Variants in FASTKD2 observed in about 807,000 individuals in gnomAD.
The protein encoded by FASTKD2 is FAST kinase domain-containing protein 2, mitochondrial.
Under a neutral mutation model 63.6 loss-of-function variants are expected in FASTKD2, and 51 were observed. The ratio of observed to expected loss-of-function variants is 0.80; its 90% CI spans 0.64 to 1.01. FASTKD2 has a LOEUF of 1.01. Among genes scored for constraint, FASTKD2 ranks in the 50% least tolerant of loss-of-function variants. The probability of loss-of-function intolerance (pLI) is 0.00; values close to 1 mark genes in which losing one functional copy is unlikely to be tolerated. For missense variants in FASTKD2, 786 were observed against 831.1 expected, an observed-to-expected ratio of 0.95 and a Z score of 0.67; for synonymous variants, 284 against 293.4, an observed-to-expected ratio of 0.97 and a Z score of 0.33.
In FASTKD2 at chr2:206,792,028, A is replaced by G; in HGVS notation, c.*226A>G. ...TTTTCCAACCACACCTATTCCCTCTAGTGCCCAGATATTTGATTTGTGAGC... is the reference window on the plus strand; with the variant it reads ...TTTTCCAACCACACCTATTCCCTCTGGTGCCCAGATATTTGATTTGTGAGC... On this transcript the variant is annotated 3_prime_UTR_variant, in exon 12 of 12. Transcript: ENST00000402774. 1 of 528,538 alleles carries G rather than the reference A, an allele frequency of 1.9e-6. No homozygotes were observed. The highest frequency in any genetic ancestry group is 3.4e-6 in the Non-Finnish European group (1 of 294,844). The allele number at this position is 528,538 out of a possible 1,614,324, so 32.7% of individuals were successfully genotyped here.
chr2:206,776,808 A>G (rs1689835840), intron 7 of FASTKD2, among the ~76,000 whole-genome samples: 3 of 151,938 alleles, frequency 2.0e-5, no homozygotes, highest in Non-Finnish European at 2.9e-5. Flanking sequence ...ATGAATTTTA[A>G]GTTTTTTTTC....
At position 206,771,276 on chromosome 2, in the gene FASTKD2, A is replaced by G; in HGVS notation, c.976A>G (p.Lys326Glu). ...TGGAAAAGATGCACCGATTGCTCTT[A>G]AGAGGAAACTGGAGGTAAACACATG... ...CIGKDAPIAL[K>E]RKLEMKALRE... Residue 326 changes from lysine (K) to glutamate (E), a missense_variant, in exon 4 of 12, where the codon AAG (lysine) becomes GAG (glutamate). Physicochemically the swap from Lys to Glu is moderately conservative, Grantham distance 56 (BLOSUM62 1). Coordinates refer to ENST00000402774, the MANE Select transcript of FASTKD2 (RefSeq NM_001136193.2). 6.3e-7 allele frequency: 1 copy of G among 1,596,424 alleles called. No homozygotes were observed. The highest frequency in any genetic ancestry group is 8.6e-7 in the Non-Finnish European group (1 of 1,163,924).
Position 206,791,700 on chromosome 2 carries a change from G to A in FASTKD2, c.2031G>A (p.Met677Ile). 6.2e-7 allele frequency: 1 copy of A among 1,612,488 alleles called. No individual in the cohort carries two copies. The highest frequency in any genetic ancestry group is 8.5e-7 in the Non-Finnish European group (1 of 1,178,764). Residue 677 changes from methionine to isoleucine, a missense_variant, in exon 12 of 12, where the codon ATG (methionine) becomes ATA (isoleucine). By Grantham distance (10) the Met-to-Ile change is conservative (BLOSUM62 1). Transcript: ENST00000402774. ...FHVILVNNWEMDKLEMEDAVT... is the reference protein window; with the variant it reads ...FHVILVNNWEIDKLEMEDAVT... ...TTGGTAAGGTCAATAACTGGGAGAT[G>A]GACAAACTAGAGATGGAAGATGCAG...
At chr2:206,776,624 G>C (rs1689831567) in intron 7 of FASTKD2, among the ~76,000 whole-genome samples, 1 of 151,852 alleles carries the variant, frequency 6.6e-6, no homozygotes, top group Admixed American at 6.6e-5. Context: ...TTTTGTTGAA[G>C]AGCATATTCT....
Position 206,771,227 on chromosome 2 carries a change from A to C in FASTKD2, c.927A>C (p.Thr309=). Residue 309 remains threonine (T), a synonymous_variant, in exon 4 of 12, where the codon ACA becomes ACC. Coordinates refer to ENST00000402774, the MANE Select transcript of FASTKD2 (RefSeq NM_001136193.2). The stretch of plus-strand genomic sequence containing the variant: ...TTTGGAAAATAGAAGATGTCTTCAC[A>C]TTACAAGTTGTGATGAAGTGTATTG... ...QQVWKIEDVF[T]LQVVMKCIGK... 1.2e-6 allele frequency: 2 copies of C among 1,612,074 alleles called. No homozygotes were observed. The highest frequency in any genetic ancestry group is 1.7e-6 in the Non-Finnish European group (2 of 1,178,202).
chr2:206,767,484 G>A lies in FASTKD2; in HGVS notation c.777+14G>A, dbSNP rs752997524. On this transcript the variant is annotated intron_variant, in intron 2 of 11. Transcript: ENST00000402774. ...AGGGTGACCCAGGTAAAATAAAAAG[G>A]AGATTTAAACATGCATTTACTTGAT... 4 of 1,598,676 alleles carry A rather than the reference G, an allele frequency of 2.5e-6. No individual in the cohort carries two copies. The highest frequency in any genetic ancestry group is 1.7e-4 in the Middle Eastern group (1 of 6,054).
In FASTKD2 at chr2:206,767,471, G is replaced by A. The variant is rs776986920; in HGVS notation, c.777+1G>A. On this transcript the variant is annotated splice_donor_variant, in intron 2 of 11. Transcript: ENST00000402774. LOFTEE classifies it high-confidence loss of function. Reference sequence around the variant, plus strand: ...GCAGACTTTGCTGAGGGTGACCCAGGTAAAATAAAAAGGAGATTTAAACAT... The same window carrying A: ...GCAGACTTTGCTGAGGGTGACCCAGATAAAATAAAAAGGAGATTTAAACAT... 6.2e-7 allele frequency: 1 copy of A among 1,606,952 alleles called. No individual in the cohort carries two copies. The highest frequency in any genetic ancestry group is 8.5e-7 in the Non-Finnish European group (1 of 1,179,068).
intron 4 of FASTKD2, 100 bp downstream of exon 4, chr2:206,771,390 G>A (rs965383941): frequency 1.3e-6 from 1 of 741,744 alleles, no homozygotes; most frequent in Non-Finnish European, 2.4e-6. Context: ...GACATTGCTG[G>A]GCTTTTAGGT....
chr2:206,778,336 A>G (rs1037082827), intron 7 of FASTKD2, among the ~76,000 whole-genome samples: 1 of 151,482 alleles, frequency 6.6e-6, no homozygotes, highest in Non-Finnish European at 1.5e-5. Context: ...AATTTTGGGT[A>G]TGTTGTGTTT....
In FASTKD2 at chr2:206,788,909, T is replaced by G. The variant is rs1437574005; in HGVS notation, c.1898+6T>G. The G allele has an allele frequency of 1.4e-6, 2 of 1,424,590 alleles. No individual in the cohort carries two copies. Among genetic ancestry groups the G allele is most frequent in the South Asian group, 2.3e-5 (2 of 87,320 alleles). 88.2% of individuals were successfully genotyped at this position (1,424,590 alleles called of 1,614,324 possible). A position where few individuals can be genotyped will look rare whatever the true frequency, so the allele number is the denominator to read the frequency against. On this transcript the variant is annotated splice_donor_region_variant and intron_variant, in intron 10 of 11. Transcript: ENST00000402774. Reference sequence around the variant, plus strand: ...TCTGCTACAGATATTCAAAGGTTGCTTACATATATTTCATTTGCTGGGCTT... The same window carrying G: ...TCTGCTACAGATATTCAAAGGTTGCGTACATATATTTCATTTGCTGGGCTT...
intron 7 of FASTKD2, among the ~76,000 whole-genome samples, chr2:206,778,708 AGTCCGTGGCCT>A (rs1473079628): frequency 6.6e-6 from 1 of 151,794 alleles, no homozygotes; most frequent in Non-Finnish European, 1.5e-5. Context: ...GACTGGTACC[AGTCCGTGGCCT>A]GTTAGGAACT....
At position 206,786,806 on chromosome 2, in the gene FASTKD2, G is replaced by A. The variant is rs368402276; in HGVS notation, c.1501G>A (p.Ala501Thr). The A allele has an allele frequency of 2.2e-4, 352 of 1,613,266 alleles. 5 individuals carry two copies. In the South Asian group the frequency reaches 3.6e-3, roughly 17 times the overall value. ...HTISSENLLD[A>T]VYSFCLMNYF... is the part of the protein sequence containing the mutation. ...TATTTCTTCTGAAAACTTATTGGAT[G>A]CAGTATATTCATTTTGCTTGATGAA... is the stretch of plus-strand genomic sequence containing the variant. Residue 501 changes from alanine to threonine, a missense_variant, in exon 8 of 12, where the codon GCA becomes ACA. By Grantham distance (58) the Ala-to-Thr change is moderately conservative. Transcript: ENST00000402774.
At chr2:206,778,965 C>CTA (rs1483114596) in intron 7 of FASTKD2, among the ~76,000 whole-genome samples, 1 of 152,132 alleles carries the variant, frequency 6.6e-6, no homozygotes, top group Non-Finnish European at 1.5e-5. Flanking sequence ...GACCACTGAT[C>CTA]TATAGTGTTC....
At chr2:206,773,830 A>G (rs563700580) in intron 6 of FASTKD2, among the ~76,000 whole-genome samples, 1 of 152,294 alleles carries the variant, frequency 6.6e-6, no homozygotes, top group East Asian at 1.9e-4. Context: ...TCTAGGAAGT[A>G]TTTAAGTTTG....
rs905589283 is a variant in FASTKD2 at position 206,795,311 on chromosome 2, G to A, written c.*3509G>A. ...TGCTGTGGCGTGATCTCAGCTCACT[G>A]CAAGCTCCGCCTCCTGGGTTCAAGC... On this transcript the variant is annotated 3_prime_UTR_variant, in exon 12 of 12. Transcript: ENST00000402774. 6.6e-6 allele frequency among the ~76,000 whole-genome samples: 1 copy of A among 152,156 alleles called. No homozygotes were observed. Among genetic ancestry groups the A allele is most frequent in the Non-Finnish European group, 1.5e-5 (1 of 68,026 alleles).
At chr2:206,778,446 G>T (rs1265414857) in intron 7 of FASTKD2, among the ~76,000 whole-genome samples, 1 of 151,856 alleles carries the variant, frequency 6.6e-6, no homozygotes, top group African/African-American at 2.4e-5. Context: ...CCACATATTT[G>T]TGAATTTTCT....
chr2:206,773,277 T>C (rs1212462892), intron 6 of FASTKD2, among the ~76,000 whole-genome samples: 3 of 143,406 alleles, frequency 2.1e-5, no homozygotes, highest in South Asian at 4.3e-4. Context: ...ATTGTGCCAC[T>C]GTACTCCAGC....
Position 206,766,799 on chromosome 2 carries a change from T to G in FASTKD2, c.106T>G (p.Ser36Ala), listed in dbSNP as rs1473721601. ...CCTTAGACAATTCAGTACATTAGTTTCAACAAGCAGAACTATGAGGCTATG... is the reference window on the plus strand; with the variant it reads ...CCTTAGACAATTCAGTACATTAGTTGCAACAAGCAGAACTATGAGGCTATG... ...WNLRQFSTLVSTSRTMRLCCL... is the reference protein window; with the variant it reads ...WNLRQFSTLVATSRTMRLCCL... The change falls in exon 2 of 12, where the codon TCA (serine) becomes GCA (alanine). Residue 36 changes from serine (S) to alanine (A), a missense_variant. Physicochemically the swap from Ser to Ala is moderately conservative, Grantham distance 99. Transcript: ENST00000402774. 2.5e-6 allele frequency: 4 copies of G among 1,613,228 alleles called. No homozygotes were observed. Among genetic ancestry groups the G allele is most frequent in the Admixed American group, 3.3e-5 (2 of 59,890 alleles).
rs572523376 is a variant in FASTKD2, at chr2:206,770,087, A to G, written c.778-4A>G. On this transcript the variant is annotated splice_region_variant and splice_polypyrimidine_tract_variant and intron_variant, in intron 2 of 11. Coordinates refer to ENST00000402774, the MANE Select transcript of FASTKD2 (RefSeq NM_001136193.2). Reference sequence around the variant, plus strand: ...GTAGTGTTTTTGTAATTATATTTCAATAGGAACGTATCAATGAGTGTGATG... The same window carrying G: ...GTAGTGTTTTTGTAATTATATTTCAGTAGGAACGTATCAATGAGTGTGATG... 5 of 1,579,104 alleles carry G rather than the reference A, an allele frequency of 3.2e-6. No homozygotes were observed. Among genetic ancestry groups the G allele is most frequent in the Admixed American group, 3.3e-5 (2 of 59,986 alleles).
Sources: allele counts gnomAD v4.1 joint callset (sites outside exome capture counted in the v4.1 genomes callset), GRCh38; gene constraint gnomAD v4.1.1; transcripts MANE v1.5; gene names NCBI Gene and HGNC (gene_info 2026-07-23, HGNC 2026-07-21).